NEURL1: variants seen among roughly 807,000 people sequenced by gnomAD.
NEURL1 encodes E3 ubiquitin-protein ligase NEURL1.
NEURL1 carries 26 observed loss-of-function variants against 41.2 expected under a neutral mutation model. That is an observed-to-expected ratio of 0.63 (90% CI 0.46 to 0.87). The LOEUF (loss-of-function observed/expected upper bound fraction) is 0.87. Ranked by LOEUF, NEURL1 falls within the 40% of genes least tolerant of loss-of-function variation. NEURL1 has a pLI of 0.00. For synonymous variants in NEURL1, 400 were observed against 402.3 expected, an observed-to-expected ratio of 0.99 and a Z score of 0.07; for missense variants, 761 against 871.1, an observed-to-expected ratio of 0.87 and a Z score of 1.59.
chr10:103,548,897 C>A (rs548356748), intron 1 of NEURL1, among the ~76,000 whole-genome samples: 1 of 152,288 alleles, frequency 6.6e-6, no homozygotes, highest in South Asian at 2.1e-4. Flanking sequence ...ACCAGAGCTC[C>A]CACCCTCCAT....
In NEURL1 at chr10:103,501,186, C is replaced by T. The variant is rs76506820; in HGVS notation, c.85+6714C>T. ...TCTTGGAGGGCCTATGATATTAGGA[C>T]GAGGAGGTTAGATTTTATCCTGTAG... On this transcript the variant is annotated intron_variant, in intron 1 of 5. Coordinates refer to ENST00000369780, the MANE Select transcript of NEURL1 (RefSeq NM_004210.5). Among the ~76,000 whole-genome samples, 1,348 of 152,202 alleles carry T rather than the reference C, an allele frequency of 8.9e-3. 20 individuals are homozygous for T. The highest frequency in any genetic ancestry group is 0.031 in the African/African-American group (1,273 of 41,514).
Position 103,508,754 on chromosome 10 carries a change from G to T in NEURL1, c.85+14282G>T, listed in dbSNP as rs539748511. 6.6e-6 allele frequency among the ~76,000 whole-genome samples: 1 copy of T among 152,208 alleles called. No individual in the cohort carries two copies. The highest frequency in any genetic ancestry group is 1.5e-5 in the Non-Finnish European group (1 of 68,034). Reference sequence around the variant, plus strand: ...GGAGCAGAATGCCACTCACATGAAAGTTTCGGCCTCAGAGGGCAGCCCGCC... The same window carrying T: ...GGAGCAGAATGCCACTCACATGAAATTTTCGGCCTCAGAGGGCAGCCCGCC... On this transcript the variant is annotated intron_variant, in intron 1 of 5. Coordinates refer to ENST00000369780, the MANE Select transcript of NEURL1 (RefSeq NM_004210.5). The surrounding 1 kb of genome is among the most constrained non-coding windows in gnomAD (Gnocchi z 4.3).
At position 103,584,708 on chromosome 10, in the gene NEURL1, G is replaced by A. The variant is rs1314256923; in HGVS notation, c.822G>A (p.Pro274=). Residue 274 remains proline (P), a synonymous_variant, in exon 4 of 6, where the codon CCG becomes CCA. Coordinates refer to ENST00000369780, the MANE Select transcript of NEURL1 (RefSeq NM_004210.5). Reference sequence around the variant, plus strand: ...CGCCGGCCGCCGGCTGCCCCATCCCGCAGAACTCACTCAACTCGCAGCACA... The same window carrying A: ...CGCCGGCCGCCGGCTGCCCCATCCCACAGAACTCACTCAACTCGCAGCACA... ...EAAPAAGCPI[P]QNSLNSQHSR... 3.4e-6 allele frequency: 5 copies of A among 1,463,800 alleles called. No homozygotes were observed. The East Asian group carries it at 8.9e-5, about 26-fold the overall frequency. 90.7% of individuals were successfully genotyped at this position (1,463,800 alleles called of 1,614,324 possible).
At chr10:103,539,292 T>A (rs952352649) in intron 1 of NEURL1, among the ~76,000 whole-genome samples, 1 of 152,230 alleles carries the variant, frequency 6.6e-6, no homozygotes, top group African/African-American at 2.4e-5. Flanking sequence ...ATATTTACTT[T>A]GGTGAAGTGT....
At chr10:103,537,278 G>C (rs758536421) in intron 1 of NEURL1, among the ~76,000 whole-genome samples, 3 of 152,202 alleles carry the variant, frequency 2.0e-5, no homozygotes, top group Non-Finnish European at 4.4e-5. Context: ...ATTCTTTTGG[G>C]TATGCACCCA....
In NEURL1 at chr10:103,532,268, C is replaced by A. The variant is rs563097570; in HGVS notation, c.85+37796C>A. Among the ~76,000 whole-genome samples the A allele has an allele frequency of 4.6e-5, 7 of 152,004 alleles. No individual in the cohort carries two copies. The South Asian group carries it at 1.0e-3, about 22-fold the overall frequency. ...TGATTGTTTTGTGTATCCTTTCTTT[C>A]TTATTGTTTATGATTGTGGTTTGGG... On this transcript the variant is annotated intron_variant, in intron 1 of 5. Coordinates refer to ENST00000369780, the MANE Select transcript of NEURL1 (RefSeq NM_004210.5).
intron 1 of NEURL1, among the ~76,000 whole-genome samples, chr10:103,500,149 C>T (rs772450233): frequency 1.2e-4 from 19 of 152,182 alleles, no homozygotes; most frequent in Non-Finnish European, 2.4e-4. Flanking sequence ...ACCCAGAGCA[C>T]CCATCCTGCA....
chr10:103,496,825 T>C (rs2133841483), intron 1 of NEURL1, among the ~76,000 whole-genome samples: 1 of 152,272 alleles, frequency 6.6e-6, no homozygotes, highest in South Asian at 2.1e-4. Flanking sequence ...CAGACTATCT[T>C]CCTGAGAAGG....
At chr10:103,494,834 G>T in intron 1 of NEURL1, 1 of 255,254 alleles carries the variant, frequency 3.9e-6, no homozygotes, top group Non-Finnish European at 7.4e-6. Flanking sequence ...CACCTCGATG[G>T]GTCTCCTTTC....
intron 3 of NEURL1, among the ~76,000 whole-genome samples, chr10:103,582,891 G>A (rs1438142109): frequency 6.6e-6 from 1 of 152,230 alleles, no homozygotes; most frequent in Non-Finnish European, 1.5e-5. Context: ...AGGAGAGTCT[G>A]GAAGTGAAGA....
intron 1 of NEURL1, among the ~76,000 whole-genome samples, chr10:103,533,934 G>A (rs2034637391): frequency 6.6e-6 from 1 of 152,136 alleles, no homozygotes; most frequent in East Asian, 1.9e-4. Context: ...GCCTCCCTAA[G>A]TGCTGGGATT....
At chr10:103,563,867 A>C (rs1424411447) in intron 1 of NEURL1, among the ~76,000 whole-genome samples, 1 of 152,196 alleles carries the variant, frequency 6.6e-6, no homozygotes, top group East Asian at 1.9e-4. Flanking sequence ...CTCCTCACTC[A>C]ATGTGTAAAC....
chr10:103,509,100 G>A (rs147396170), intron 1 of NEURL1, among the ~76,000 whole-genome samples: 32 of 152,088 alleles, frequency 2.1e-4, no homozygotes, highest in African/African-American at 5.3e-4. Context: ...GTGTGGTGGC[G>A]CACACCTGTT....
chr10:103,579,353 T>C (rs542030659), intron 3 of NEURL1, among the ~76,000 whole-genome samples: 1 of 152,326 alleles, frequency 6.6e-6, no homozygotes, highest in South Asian at 2.1e-4. Context: ...TAGTTGGGGA[T>C]CTTGATCCTA....
intron 1 of NEURL1, among the ~76,000 whole-genome samples, chr10:103,513,501 A>C (rs1000511818): frequency 3.9e-5 from 6 of 152,348 alleles, no homozygotes; most frequent in Admixed American, 1.3e-4. Context: ...TAGCCCTGGG[A>C]TACCTCAGCC....
rs2035170029 is a variant in NEURL1, at chr10:103,556,959, C to G, written c.86-13913C>G. 6.6e-6 allele frequency among the ~76,000 whole-genome samples: 1 copy of G among 152,230 alleles called. No individual in the cohort carries two copies. The highest frequency in any genetic ancestry group is 2.4e-5 in the African/African-American group (1 of 41,462). On this transcript the variant is annotated intron_variant, in intron 1 of 5. Coordinates refer to ENST00000369780, the MANE Select transcript of NEURL1 (RefSeq NM_004210.5). This position sits in a 1 kb window ranked among gnomAD's most constrained non-coding sequence, Gnocchi z 4.4. ...GACAGAGAGGCTCTCAGAGCAGACT[C>G]AGGACATAGTACACTGTCCTCCAGC...
At chr10:103,586,651 T>C (rs1349141028) in intron 4 of NEURL1, among the ~76,000 whole-genome samples, 3 of 152,248 alleles carry the variant, frequency 2.0e-5, no homozygotes. Context: ...TTAATGCATG[T>C]AATGCTGTTG....
intron 4 of NEURL1, among the ~76,000 whole-genome samples, chr10:103,588,148 C>CA (rs1033675385): frequency 7.3e-5 from 11 of 151,290 alleles, no homozygotes; most frequent in Admixed American, 2.0e-4. Flanking sequence ...ACTAAAAATA[C>CA]AAAAAAAATT....
At chr10:103,589,376 C>A in intron 4 of NEURL1, 138 bp from the exon 5 acceptor site, 1 of 920,748 alleles carries the variant, frequency 1.1e-6, no homozygotes, top group Non-Finnish European at 1.6e-6. Flanking sequence ...ATCCCCGCGC[C>A]AGCCTGCAAA....
Sources: gnomAD v4.1 joint callset for allele counts (sites outside exome capture counted in the v4.1 genomes callset) on GRCh38, gnomAD v4.1.1 for gene constraint, Gnocchi (gnomAD v3.1) non-coding constraint, MANE v1.5 for transcripts, NCBI Gene and HGNC (gene_info 2026-07-23, HGNC 2026-07-21) for gene names.